TTLL5: variants seen among roughly 807,000 people sequenced by gnomAD.
TTLL5 encodes the protein tubulin polyglutamylase TTLL5.
Under a neutral mutation model 168.4 loss-of-function variants are expected in TTLL5, and 132 were observed. The ratio of observed to expected loss-of-function variants is 0.78; its 90% CI spans 0.68 to 0.91. The LOEUF (loss-of-function observed/expected upper bound fraction) is 0.91. Ranked by LOEUF, TTLL5 falls within the 40% of genes least tolerant of loss-of-function variation. The pLI, the probability that TTLL5 is intolerant of heterozygous loss-of-function variation, is 0.00. For missense variants in TTLL5, 1,545 were observed against 1,581.5 expected (o/e 0.98, Z 0.39); for synonymous variants, 546 against 558.6 (o/e 0.98, Z 0.32).
intron 28 of TTLL5, among the ~76,000 whole-genome samples, chr14:75,831,176 A>G (rs1025991825): frequency 5.9e-5 from 9 of 152,332 alleles, no homozygotes; most frequent in Admixed American, 6.5e-5. Flanking sequence ...AGTGAAATAA[A>G]AAGTAAAAAG....
rs148263291 is a variant in TTLL5 at position 75,946,768 on chromosome 14, G to A, written c.3824-7656G>A. Among the ~76,000 whole-genome samples, 596 of 152,204 alleles carry A rather than the reference G, an allele frequency of 3.9e-3. 2 individuals carry two copies. The highest frequency in any genetic ancestry group is 0.02 in the Middle Eastern group (6 of 294). On this transcript the variant is annotated intron_variant, in intron 31 of 31. Transcript: ENST00000298832. The stretch of plus-strand genomic sequence containing the variant: ...AGAGAAAAAAAAAAACAACAACACA[G>A]TGAAAGAAGGTAGAGAATGGGGAGG...
intron 30 of TTLL5, among the ~76,000 whole-genome samples, chr14:75,890,750 C>T (rs1349419978): frequency 2.0e-5 from 3 of 152,034 alleles, no homozygotes; most frequent in African/African-American, 4.8e-5. Flanking sequence ...GATGGAGTCT[C>T]GCCGTGTCAC....
chr14:75,890,804 C>T (rs1391412626), intron 30 of TTLL5, among the ~76,000 whole-genome samples: 1 of 152,224 alleles, frequency 6.6e-6, no homozygotes, highest in Admixed American at 6.5e-5. Context: ...ACTGCAGCCT[C>T]TGTCTCCCAG....
chr14:75,932,014 A>G (rs1374177912), intron 31 of TTLL5, among the ~76,000 whole-genome samples: 3 of 152,212 alleles, frequency 2.0e-5, no homozygotes, highest in African/African-American at 7.2e-5. Flanking sequence ...TAGGTATTCA[A>G]TACATAAATA....
At chr14:75,775,821 T>C (rs762561443) in intron 22 of TTLL5, among the ~76,000 whole-genome samples, 191 bp downstream of exon 22, 4 of 152,204 alleles carry the variant, frequency 2.6e-5, no homozygotes, top group Non-Finnish European at 5.9e-5. Flanking sequence ...AACTATTTAT[T>C]ACTTCTGAAG....
chr14:75,681,298 A>G (rs940725696), intron 3 of TTLL5, among the ~76,000 whole-genome samples: 1 of 152,208 alleles, frequency 6.6e-6, no homozygotes, highest in African/African-American at 2.4e-5. Context: ...TCTTAATTGA[A>G]GCCATTGTTA....
At position 75,779,484 on chromosome 14, in the gene TTLL5, TTCCAGCTTG is replaced by T; in HGVS notation, c.2388-90_2388-82del. On this transcript the variant is annotated intron_variant, in intron 23 of 31. Coordinates refer to ENST00000298832, the MANE Select transcript of TTLL5 (RefSeq NM_015072.5). ...AGCTTGTGCTTTTCATTTTTCCCTTTTCCAGCTTGCTCTGTTTTCATAATAAAATCTGGT... is the reference window on the plus strand; with the variant it reads ...AGCTTGTGCTTTTCATTTTTCCCTTTCTCTGTTTTCATAATAAAATCTGGT... 1.9e-6 allele frequency: 3 copies of T among 1,556,338 alleles called. No homozygotes were observed. The Admixed American group carries it at 6.5e-5, about 34-fold the overall frequency.
At chr14:75,678,589 A>G (rs1025320460) in intron 3 of TTLL5, among the ~76,000 whole-genome samples, 27 of 151,852 alleles carry the variant, frequency 1.8e-4, no homozygotes, top group African/African-American at 6.5e-4. Context: ...TTTGTCTTCC[A>G]TGACATTGAC....
chr14:75,939,048 G>T (rs553498291), intron 31 of TTLL5, among the ~76,000 whole-genome samples: 2 of 152,176 alleles, frequency 1.3e-5, no homozygotes, highest in African/African-American at 4.8e-5. Flanking sequence ...GTAACTTTGC[G>T]TTGGTTATTT....
chr14:75,820,993 C>T (rs1478409992), intron 28 of TTLL5, among the ~76,000 whole-genome samples: 1 of 152,154 alleles, frequency 6.6e-6, no homozygotes, highest in East Asian at 1.9e-4. Context: ...GGTGCCCGAC[C>T]AAGCCCTCAC....
At chr14:75,736,424 A>G (rs144629357) in intron 15 of TTLL5, among the ~76,000 whole-genome samples, 1 of 152,286 alleles carries the variant, frequency 6.6e-6, no homozygotes, top group Non-Finnish European at 1.5e-5. Context: ...TTCAAACTCA[A>G]ATGCTTAGAG....
intron 28 of TTLL5, among the ~76,000 whole-genome samples, chr14:75,835,890 T>C (rs1018993506): frequency 6.6e-6 from 1 of 152,282 alleles, no homozygotes; most frequent in East Asian, 1.9e-4. Context: ...AAAAGACAAG[T>C]AATGATGCTG....
intron 28 of TTLL5, among the ~76,000 whole-genome samples, chr14:75,852,043 T>A (rs1195995255): frequency 6.6e-6 from 1 of 152,220 alleles, no homozygotes. Flanking sequence ...ACCAACCCTA[T>A]GAGAGATGGG....
At chr14:75,696,075 AG>A (rs1404435559) in intron 6 of TTLL5, among the ~76,000 whole-genome samples, 1 of 151,736 alleles carries the variant, frequency 6.6e-6, no homozygotes, top group African/African-American at 2.4e-5. Context: ...TATTTTCCAT[AG>A]AGACAGTCTC....
intron 16 of TTLL5, 69 bp downstream of exon 16, chr14:75,745,277 A>G: frequency 6.9e-7 from 1 of 1,440,738 alleles, no homozygotes; most frequent in East Asian, 2.3e-5. Context: ...TGAGTGATTG[A>G]TAATATTCAT....
In TTLL5 at chr14:75,706,999, C is replaced by G; in HGVS notation, c.586-19C>G. On this transcript the variant is annotated intron_variant, in intron 7 of 31. Transcript: ENST00000298832. Reference sequence around the variant, plus strand: ...TCCTGTGTATTTCTATTCTTTCATTCTTTCTCTTTACTCAATAGCCAAACC... The same window carrying G: ...TCCTGTGTATTTCTATTCTTTCATTGTTTCTCTTTACTCAATAGCCAAACC... The G allele has an allele frequency of 6.3e-7, 1 of 1,590,776 alleles. No individual in the cohort carries two copies. The highest frequency in any genetic ancestry group is 1.1e-5 in the South Asian group (1 of 89,786).
At chr14:75,748,031 C>T (rs560167822) in intron 17 of TTLL5, among the ~76,000 whole-genome samples, 1 of 152,294 alleles carries the variant, frequency 6.6e-6, no homozygotes, top group East Asian at 1.9e-4. Flanking sequence ...TTTGCATTTC[C>T]TCTCTGTCTG....
At chr14:75,808,700 G>C (rs1313174885) in intron 27 of TTLL5, among the ~76,000 whole-genome samples, 1 of 152,154 alleles carries the variant, frequency 6.6e-6, no homozygotes, top group African/African-American at 2.4e-5. Context: ...AACAGGAACA[G>C]ATCCTGTTCC....
intron 27 of TTLL5, among the ~76,000 whole-genome samples, chr14:75,797,674 T>C (rs1893068092): frequency 6.6e-6 from 1 of 152,174 alleles, no homozygotes; most frequent in African/African-American, 2.4e-5. Flanking sequence ...GAGATTACCA[T>C]GTGATTTTTG....
Sources: gnomAD v4.1 joint callset for allele counts (sites outside exome capture counted in the v4.1 genomes callset) on GRCh38, gnomAD v4.1.1 for gene constraint, MANE v1.5 for transcripts, NCBI Gene and HGNC (gene_info 2026-07-23, HGNC 2026-07-21) for gene names.